Variants in CNTNAP4 observed in about 807,000 individuals in gnomAD.
The protein encoded by CNTNAP4 is contactin-associated protein-like 4.
A neutral mutation model predicts 148.4 loss-of-function variants in CNTNAP4; 98 were observed. That is an observed-to-expected ratio of 0.66 (90% CI 0.56 to 0.78). The LOEUF is 0.78. CNTNAP4 is among the 30% of genes least tolerant of loss of function. The pLI is 0.00. For synonymous variants in CNTNAP4, 730 were observed against 565.1 expected (o/e 1.29, Z -4.14); for missense variants, 1,935 against 1,565.6 (o/e 1.24, Z -3.98).
rs751838077 is a variant in CNTNAP4 at position 76,316,543 on chromosome 16, C to G, written c.196+20C>G. The G allele has an allele frequency of 4.1e-6, 6 of 1,460,678 alleles. No individual in the cohort carries two copies. Among genetic ancestry groups the G allele is most frequent in the African/African-American group, 1.4e-5 (1 of 71,976 alleles). 90.5% of individuals were successfully genotyped at this position (1,460,678 alleles called of 1,614,324 possible). ...GAGATGGTAAGTCTGCTTTTCTCCT[C>G]TGACTGGCCCATAGAAAATCTCACT... On this transcript the variant is annotated intron_variant, in intron 2 of 23. Coordinates refer to ENST00000611870, the MANE Select transcript of CNTNAP4 (RefSeq NM_033401.5).
chr16:76,485,929 G>T (rs937204178), intron 12 of CNTNAP4, among the ~76,000 whole-genome samples: 1 of 152,122 alleles, frequency 6.6e-6, no homozygotes, highest in Non-Finnish European at 1.5e-5. Flanking sequence ...CTTCCTACCT[G>T]CTCTTAGGGT....
In CNTNAP4 at chr16:76,385,020, T is replaced by C. The variant is rs574795286; in HGVS notation, c.390+29509T>C. Among the ~76,000 whole-genome samples, 7 of 152,322 alleles carry C rather than the reference T, an allele frequency of 4.6e-5. No homozygotes were observed. The East Asian group carries it at 1.3e-3, about 29-fold the overall frequency. ...AGGAAAATAGCCTAAGGTATAAATA[T>C]AGTGAAGATATACATATGAATTATT... On this transcript the variant is annotated intron_variant, in intron 3 of 23. Coordinates refer to ENST00000611870, the MANE Select transcript of CNTNAP4 (RefSeq NM_033401.5).
At chr16:76,458,351 G>A (rs1000679787) in intron 8 of CNTNAP4, among the ~76,000 whole-genome samples, 19 of 152,096 alleles carry the variant, frequency 1.2e-4, no homozygotes, top group African/African-American at 4.6e-4. Flanking sequence ...GGACTGTAAT[G>A]TTGGGGGATG....
At chr16:76,435,518 C>G (rs537862609) in intron 4 of CNTNAP4, among the ~76,000 whole-genome samples, 1 of 152,304 alleles carries the variant, frequency 6.6e-6, no homozygotes, top group South Asian at 2.1e-4. Context: ...GTGGTTCCCA[C>G]TGTTAGATCT....
intron 2 of CNTNAP4, among the ~76,000 whole-genome samples, chr16:76,326,476 CT>C (rs1962983947): frequency 6.6e-6 from 1 of 152,030 alleles, no homozygotes; most frequent in South Asian, 2.1e-4. Flanking sequence ...ATAAATTATG[CT>C]GCTATAAAGA....
chr16:76,451,225 T>C lies in CNTNAP4; in HGVS notation c.1072-1283T>C, dbSNP rs74609029. Among the ~76,000 whole-genome samples the C allele has an allele frequency of 6.3e-3, 952 of 152,314 alleles. 6 individuals carry two copies. Among genetic ancestry groups the C allele is most frequent in the African/African-American group, 0.022 (895 of 41,554 alleles). On this transcript the variant is annotated intron_variant, in intron 7 of 23. Transcript: ENST00000611870. Reference sequence around the variant, plus strand: ...GAAAAACAACCTTAGGGGCAAAATGTGTTGCTGGTGTTTTAATTCTAACTA... The same window carrying C: ...GAAAAACAACCTTAGGGGCAAAATGCGTTGCTGGTGTTTTAATTCTAACTA...
At chr16:76,323,725 C>G (rs1031812794) in intron 2 of CNTNAP4, among the ~76,000 whole-genome samples, 1 of 152,150 alleles carries the variant, frequency 6.6e-6, no homozygotes, top group Admixed American at 6.5e-5. Context: ...CTGCCAGCGT[C>G]TTGGTGCGTT....
chr16:76,386,968 G>A (rs1021160202), intron 3 of CNTNAP4, among the ~76,000 whole-genome samples: 1 of 152,116 alleles, frequency 6.6e-6, no homozygotes, highest in African/African-American at 2.4e-5. Flanking sequence ...TGAAGATAGA[G>A]GAAGGGAGCC....
rs548289474 is a variant in CNTNAP4 at position 76,552,693 on chromosome 16, G to A, written c.3443-590G>A. On this transcript the variant is annotated intron_variant, in intron 21 of 23. Transcript: ENST00000611870. ...TTTTATTGCTGTACATGAGTAATTAGGGAAAGACCCTAATAACTTCGAGGT... is the reference window on the plus strand; with the variant it reads ...TTTTATTGCTGTACATGAGTAATTAAGGAAAGACCCTAATAACTTCGAGGT... 1.2e-4 allele frequency among the ~76,000 whole-genome samples: 19 copies of A among 152,266 alleles called. No homozygotes were observed. The South Asian group carries it at 3.7e-3, about 30-fold the overall frequency.
At chr16:76,526,836 G>C (rs2083754080) in intron 17 of CNTNAP4, among the ~76,000 whole-genome samples, 1 of 151,684 alleles carries the variant, frequency 6.6e-6, no homozygotes, top group Admixed American at 6.6e-5. Flanking sequence ...ACCACGCTTG[G>C]CTAATTTTTG....
At chr16:76,311,968 C>A (rs750516395) in intron 1 of CNTNAP4, among the ~76,000 whole-genome samples, 1 of 152,148 alleles carries the variant, frequency 6.6e-6, no homozygotes, top group Non-Finnish European at 1.5e-5. Flanking sequence ...GAAAAGCCCC[C>A]TACTTAAATG....
chr16:76,333,779 G>GTTTT (rs549878036), intron 2 of CNTNAP4, among the ~76,000 whole-genome samples: 88 of 45,542 alleles, frequency 1.9e-3, no homozygotes, highest in East Asian at 2.7e-3. Flanking sequence ...TGGGTTATAG[G>GTTTT]TTTTTTTTTT....
intron 15 of CNTNAP4, among the ~76,000 whole-genome samples, chr16:76,500,262 C>A (rs1009742387): frequency 6.6e-6 from 1 of 152,040 alleles, no homozygotes; most frequent in African/African-American, 2.4e-5. Context: ...GGCGGCTGGC[C>A]GGGCGGGGGC....
At chr16:76,487,259 A>G (rs1311316758) in intron 12 of CNTNAP4, among the ~76,000 whole-genome samples, 2 of 152,162 alleles carry the variant, frequency 1.3e-5, no homozygotes, top group Non-Finnish European at 2.9e-5. Context: ...GTTTTTATTC[A>G]TTCGTTTGTT....
chr16:76,352,556 A>C (rs1193179689), intron 2 of CNTNAP4, among the ~76,000 whole-genome samples: 1 of 152,160 alleles, frequency 6.6e-6, no homozygotes, highest in African/African-American at 2.4e-5. Flanking sequence ...GATGAGGGCA[A>C]AGTGTTCAAA....
chr16:76,316,257 G>GAGGC, intron 1 of CNTNAP4, 156 bp from the exon 2 acceptor site: 1 of 690,650 alleles, frequency 1.4e-6, no homozygotes, highest in Non-Finnish European at 2.7e-6. Flanking sequence ...GAACTTACTA[G>GAGGC]ACTTCTAGTA....
At chr16:76,499,201 T>G (rs979745587) in intron 15 of CNTNAP4, among the ~76,000 whole-genome samples, 1 of 151,858 alleles carries the variant, frequency 6.6e-6, no homozygotes, top group Admixed American at 6.6e-5. Context: ...CTGCACAATT[T>G]TTTTAATTAA....
intron 18 of CNTNAP4, among the ~76,000 whole-genome samples, chr16:76,536,674 T>TA (rs1219023373): frequency 6.6e-6 from 1 of 152,206 alleles, no homozygotes; most frequent in Non-Finnish European, 1.5e-5. Context: ...TATTGTATGA[T>TA]ATGTTGAATA....
intron 3 of CNTNAP4, among the ~76,000 whole-genome samples, chr16:76,404,667 T>A (rs1357599552): frequency 5.3e-5 from 8 of 152,116 alleles, no homozygotes; most frequent in African/African-American, 1.7e-4. Flanking sequence ...GTAAACAACT[T>A]TGTGAGCATG....
Sources: allele counts gnomAD v4.1 joint callset (sites outside exome capture counted in the v4.1 genomes callset), GRCh38; gene constraint gnomAD v4.1.1; transcripts MANE v1.5; gene names NCBI Gene and HGNC (gene_info 2026-07-23, HGNC 2026-07-21).